EYS: variants seen among roughly 807,000 people sequenced by gnomAD.
The protein encoded by EYS is protein eyes shut homolog.
EYS carries 250 observed loss-of-function variants against 282.1 expected under a neutral mutation model. The observed-to-expected ratio is 0.89, with a 90% CI of 0.80 to 0.98. EYS has a LOEUF of 0.98. EYS is among the 50% of genes least tolerant of loss of function. The pLI is 0.00. For synonymous variants in EYS, 1,355 were observed against 1,282.9 expected, an observed-to-expected ratio of 1.06 and a Z score of -1.20; for missense variants, 4,016 against 3,709.0, an observed-to-expected ratio of 1.08 and a Z score of -2.15.
intron 26 of EYS, among the ~76,000 whole-genome samples, chr6:64,509,676 C>A (rs1777323086): frequency 6.6e-6 from 1 of 152,034 alleles, no homozygotes; most frequent in Non-Finnish European, 1.5e-5. Flanking sequence ...TTATGTATAT[C>A]AAGGGGCCTG....
At chr6:63,763,624 C>T (rs113905252) in intron 40 of EYS, among the ~76,000 whole-genome samples, 13,692 of 151,324 alleles carry the variant, frequency 0.09, 672 homozygotes, top group East Asian at 0.16. Context: ...CTTCAATGGG[C>T]GCTCATTCTT....
intron 33 of EYS, among the ~76,000 whole-genome samples, chr6:64,066,063 A>G (rs544210551): frequency 6.6e-6 from 1 of 152,192 alleles, no homozygotes; most frequent in East Asian, 1.9e-4. Flanking sequence ...GGAGTTTGAG[A>G]CCAGCCTGGC....
chr6:65,048,408 C>A (rs978237358), intron 13 of EYS, among the ~76,000 whole-genome samples: 2 of 151,850 alleles, frequency 1.3e-5, no homozygotes, highest in Non-Finnish European at 2.9e-5. Flanking sequence ...CTATTTAGGA[C>A]TTTCTTACTA....
At chr6:64,629,966 C>A (rs1482472735) in intron 22 of EYS, among the ~76,000 whole-genome samples, 1 of 152,028 alleles carries the variant, frequency 6.6e-6, no homozygotes, top group Non-Finnish European at 1.5e-5. Context: ...GAAATGTTTG[C>A]CTGTATCAAA....
Position 63,720,915 on chromosome 6 carries a change from A to C in EYS, c.9116T>G (p.Phe3039Cys). ...SVPMSYNNGTFCCNKWHHVVV... is the reference protein window; with the variant it reads ...SVPMSYNNGTCCCNKWHHVVV... ...TACATGGTGCCATTTATTACAACAG[A>C]ATGTGCCATTGTTATAGCTCATAGG... The change falls in exon 43 of 43, where the codon TTC becomes TGC. Residue 3039 changes from phenylalanine (F) to cysteine (C), a missense_variant. Phe to Cys is a radical substitution (Grantham distance 205). Coordinates refer to ENST00000503581, the MANE Select transcript of EYS (RefSeq NM_001142800.2). The C allele has an allele frequency of 1.3e-6, 2 of 1,550,986 alleles. No individual in the cohort carries two copies. Among genetic ancestry groups the C allele is most frequent in the Non-Finnish European group, 1.7e-6 (2 of 1,146,484 alleles).
At position 64,689,908 on chromosome 6, in the gene EYS, C is replaced by T. The variant is rs189640265; in HGVS notation, c.3444-63663G>A. On this transcript the variant is annotated intron_variant, in intron 22 of 42. Coordinates refer to ENST00000503581, the MANE Select transcript of EYS (RefSeq NM_001142800.2). ...AACCTAAGCAATACCATTCAGGACA[C>T]AGGCATGGACAAGGACTTCACGTCT... is the stretch of plus-strand genomic sequence containing the variant. 4.5e-4 allele frequency among the ~76,000 whole-genome samples: 68 copies of T among 152,254 alleles called. 1 individual carries two copies. Among genetic ancestry groups the T allele is most frequent in the Non-Finnish European group, 8.1e-4 (55 of 68,016 alleles).
intron 2 of EYS, among the ~76,000 whole-genome samples, chr6:65,534,537 C>T (rs987340595): frequency 3.3e-5 from 5 of 152,038 alleles, no homozygotes; most frequent in African/African-American, 9.7e-5. Flanking sequence ...AAAAAACAAC[C>T]CCATAGCAAC....
chr6:65,393,494 T>C (rs1049621194), intron 7 of EYS, among the ~76,000 whole-genome samples: 1 of 152,152 alleles, frequency 6.6e-6, no homozygotes, highest in Non-Finnish European at 1.5e-5. Context: ...AAATATGTGA[T>C]TGCTATTTTA....
chr6:63,721,343 AGTT>A lies in EYS; in HGVS notation c.8685_8687del (p.Thr2896del), dbSNP rs1450783812. On this transcript the variant is annotated inframe_deletion, in exon 43 of 43. Transcript: ENST00000503581. ...AATCTGGCAAACATCTGCAAGAAAA[AGTT>A]GTGCCATTTACTGTACATTCACCTC... The A allele has an allele frequency of 2.1e-5, 32 of 1,551,838 alleles. No individual in the cohort carries two copies. The highest frequency in any genetic ancestry group is 9.8e-5 in the Admixed American group (5 of 50,964).
At chr6:65,478,210 G>GA (rs1349748136) in intron 5 of EYS, among the ~76,000 whole-genome samples, 1 of 151,548 alleles carries the variant, frequency 6.6e-6, no homozygotes, top group Non-Finnish European at 1.5e-5. Flanking sequence ...TGACAGCAGA[G>GA]AAAATATGAA....
intron 37 of EYS, among the ~76,000 whole-genome samples, chr6:63,791,449 A>T (rs1377009821): frequency 6.6e-6 from 1 of 151,990 alleles, no homozygotes; most frequent in African/African-American, 2.4e-5. Flanking sequence ...GTGGTGGCGC[A>T]TGCCTGTAGT....
At chr6:64,321,600 C>T (rs1483134429) in intron 29 of EYS, among the ~76,000 whole-genome samples, 1 of 151,668 alleles carries the variant, frequency 6.6e-6, no homozygotes, top group Non-Finnish European at 1.5e-5. Flanking sequence ...TTATTAAATG[C>T]CTACTAAGTA....
intron 26 of EYS, among the ~76,000 whole-genome samples, chr6:64,453,958 G>A (rs191836151): frequency 2.0e-5 from 3 of 152,142 alleles, no homozygotes; most frequent in Admixed American, 2.0e-4. Flanking sequence ...ATATACATAT[G>A]TAACAAACCC....
intron 41 of EYS, among the ~76,000 whole-genome samples, chr6:63,756,973 A>G (rs944605007): frequency 4.6e-5 from 7 of 152,276 alleles, no homozygotes; most frequent in African/African-American, 1.7e-4. Flanking sequence ...AATTGATCGT[A>G]AAACATGTGT....
chr6:64,701,727 G>A (rs769546601), intron 22 of EYS, among the ~76,000 whole-genome samples: 25 of 151,870 alleles, frequency 1.6e-4, no homozygotes, highest in Admixed American at 4.6e-4. Context: ...GAGAAATTAC[G>A]TAATAGGTAC....
At chr6:64,992,845 G>A (rs1771112768) in intron 14 of EYS, among the ~76,000 whole-genome samples, 1 of 151,946 alleles carries the variant, frequency 6.6e-6, no homozygotes, top group East Asian at 1.9e-4. Context: ...CCGCACTGAT[G>A]GGGAGTTTGT....
At chr6:64,449,365 C>A (rs1235821455) in intron 26 of EYS, among the ~76,000 whole-genome samples, 1 of 151,804 alleles carries the variant, frequency 6.6e-6, no homozygotes, top group Non-Finnish European at 1.5e-5. Flanking sequence ...GTGAAAAGAC[C>A]AACTCTACGT....
At chr6:64,808,398 A>G (rs931068716) in intron 22 of EYS, among the ~76,000 whole-genome samples, 6 of 152,124 alleles carry the variant, frequency 3.9e-5, no homozygotes, top group Admixed American at 3.9e-4. Context: ...ATGGGTTTAT[A>G]ACTAGCTTTA....
At position 64,332,784 on chromosome 6, in the gene EYS, G is replaced by A. The variant is rs569716749; in HGVS notation, c.6079-25702C>T. Reference sequence around the variant, plus strand: ...GAAGCTGACTAGTCTACACATGGCCGAAGCCTAAGGAAATCAATGATAGAT... The same window carrying A: ...GAAGCTGACTAGTCTACACATGGCCAAAGCCTAAGGAAATCAATGATAGAT... On this transcript the variant is annotated intron_variant, in intron 29 of 42. Coordinates refer to ENST00000503581, the MANE Select transcript of EYS (RefSeq NM_001142800.2). 5.7e-4 allele frequency among the ~76,000 whole-genome samples: 87 copies of A among 152,264 alleles called. 2 individuals are homozygous for A. The South Asian group carries it at 0.016, about 28-fold the overall frequency.
Sources: gnomAD v4.1 joint callset for allele counts (sites outside exome capture counted in the v4.1 genomes callset) on GRCh38, gnomAD v4.1.1 for gene constraint, MANE v1.5 for transcripts, NCBI Gene and HGNC (gene_info 2026-07-23, HGNC 2026-07-21) for gene names.